Variants in RRBP1 observed in about 807,000 individuals in gnomAD.
RRBP1 encodes ribosome-binding protein 1.
In RRBP1, 94 loss-of-function variants were observed where a neutral mutation model predicts 165.2. That is an observed-to-expected ratio of 0.57 (90% CI 0.48 to 0.68). The LOEUF is 0.68. Among genes scored for constraint, RRBP1 ranks in the 30% least tolerant of loss-of-function variants. The pLI, the probability that RRBP1 is intolerant of heterozygous loss-of-function variation, is 0.00. For synonymous variants in RRBP1, 680 were observed against 714.5 expected, an observed-to-expected ratio of 0.95 and a Z score of 0.77; for missense variants, 1,676 against 1,763.0, an observed-to-expected ratio of 0.95 and a Z score of 0.88.
chr20:17,655,397 A>T (rs906294903), intron 3 of RRBP1, among the ~76,000 whole-genome samples: 1 of 152,230 alleles, frequency 6.6e-6, no homozygotes, highest in Non-Finnish European at 1.5e-5. Context: ...TCCTACAGTT[A>T]CGGTTTATCT....
chr20:17,651,586 G>A (rs2036559092), intron 3 of RRBP1, among the ~76,000 whole-genome samples: 1 of 152,220 alleles, frequency 6.6e-6, no homozygotes, highest in Admixed American at 6.5e-5. Flanking sequence ...TAAGCAGACA[G>A]CAGTGTGCAC....
At position 17,614,087 on chromosome 20, in the gene RRBP1, TG is replaced by T; in HGVS notation, c.*94del. ...TCTCGGAGCTACCGGAAGTTGGGCC[TG>T]GATAACGCTGTGTAGGTTGGTTGGT... On this transcript the variant is annotated 3_prime_UTR_variant, in exon 25 of 25. Coordinates refer to ENST00000377813, the MANE Select transcript of RRBP1 (RefSeq NM_001365613.2). The T allele has an allele frequency of 7.8e-7, 1 of 1,285,746 alleles. No homozygotes were observed. Among genetic ancestry groups the T allele is most frequent in the Non-Finnish European group, 1.1e-6 (1 of 885,428 alleles). 79.6% of individuals were successfully genotyped at this position (1,285,746 alleles called of 1,614,324 possible).
intron 5 of RRBP1, among the ~76,000 whole-genome samples, chr20:17,638,492 G>A (rs1208810448): frequency 2.0e-5 from 3 of 152,276 alleles, no homozygotes; most frequent in East Asian, 3.9e-4. Context: ...TCTCCTGGGG[G>A]TCAGCGTCCC....
At chr20:17,621,646 C>G (rs1240469984) in intron 15 of RRBP1, 44 bp downstream of exon 15, 1 of 1,599,404 alleles carries the variant, frequency 6.3e-7, no homozygotes, top group Non-Finnish European at 8.6e-7. Flanking sequence ...TTCCTGGGGA[C>G]AGGGGAGCCC....
chr20:17,658,408 C>CAACCTCCAGAACCATG (rs1383765003), intron 3 of RRBP1, among the ~76,000 whole-genome samples, 188 bp downstream of exon 3: 1 of 152,144 alleles, frequency 6.6e-6, no homozygotes, highest in East Asian at 1.9e-4. Context: ...TCACATCTGC[C>CAACCTCCAGAACCATG]AACCTCCAGA....
intron 3 of RRBP1, among the ~76,000 whole-genome samples, chr20:17,653,031 A>G (rs1419001481): frequency 6.6e-6 from 1 of 152,208 alleles, no homozygotes; most frequent in African/African-American, 2.4e-5. Flanking sequence ...GAGGGCACAG[A>G]GACAAGGTGG....
rs1271325364 is a variant in RRBP1 at position 17,619,620 on chromosome 20, G to A, written c.3675+13C>T. 6 of 1,600,814 alleles carry A rather than the reference G, an allele frequency of 3.7e-6. No homozygotes were observed. Among genetic ancestry groups the A allele is most frequent in the South Asian group, 2.2e-5 (2 of 89,656 alleles). ...GCTGGGCAGGGGCTGCACTCCTTGG[G>A]GGGCAGACTCACCCCTGCCACCTCC... is the stretch of plus-strand genomic sequence containing the variant. On this transcript the variant is annotated intron_variant, in intron 19 of 24. Coordinates refer to ENST00000377813, the MANE Select transcript of RRBP1 (RefSeq NM_001365613.2).
Position 17,629,878 on chromosome 20 carries a change from G to A in RRBP1, c.2694C>T (p.His898=), listed in dbSNP as rs751154589. 17 of 1,600,168 alleles carry A rather than the reference G, an allele frequency of 1.1e-5. No individual in the cohort carries two copies. The highest frequency in any genetic ancestry group is 8.3e-5 in the Admixed American group (5 of 59,964). Residue 898 remains histidine (H), a synonymous_variant, in exon 9 of 25, where the codon CAC becomes CAT. Transcript: ENST00000377813. ...TCTCGGCATCCGCCCGGAGGCTGGC[G>A]TGGCTGCTCTGCGTGTGGCACAGCT... ...SRELCHTQSS[H]ASLRADAEKA...
intron 3 of RRBP1, among the ~76,000 whole-genome samples, chr20:17,655,617 C>T (rs564799720): frequency 1.3e-5 from 2 of 152,272 alleles, no homozygotes; most frequent in South Asian, 4.1e-4. Context: ...GTCCGAGGGA[C>T]ACCCCAGCCA....
chr20:17,641,918 G>A lies in RRBP1; in HGVS notation c.2063C>T (p.Ala688Val). 1 of 1,613,014 alleles carries A rather than the reference G, an allele frequency of 6.2e-7. No individual in the cohort carries two copies. Among genetic ancestry groups the A allele is most frequent in the Non-Finnish European group, 8.5e-7 (1 of 1,179,164 alleles). ...AGIIQDTWHK[A>V]TQKGDPVAIL... ...CGCCACAGGGTCACCCTTCTGAGTG[G>A]CCTAGAAATACCCAGAGATGCGTTA... Residue 688 changes from alanine to valine, a missense_variant and splice_region_variant, in exon 5 of 25, where the codon GCC becomes GTC. Ala to Val is a moderately conservative substitution (Grantham distance 64). Coordinates refer to ENST00000377813, the MANE Select transcript of RRBP1 (RefSeq NM_001365613.2).
At chr20:17,662,707 C>T (rs1391255027) in intron 2 of RRBP1, among the ~76,000 whole-genome samples, 2 of 151,726 alleles carry the variant, frequency 1.3e-5, no homozygotes, top group African/African-American at 4.9e-5. Context: ...GAAATCGCAC[C>T]CTGCTCAGCC....
intron 2 of RRBP1, among the ~76,000 whole-genome samples, chr20:17,660,811 C>T (rs1401803314): frequency 1.3e-5 from 2 of 152,314 alleles, no homozygotes; most frequent in South Asian, 4.1e-4. Flanking sequence ...CCAGGAGCCT[C>T]AGCAGCCATG....
intron 3 of RRBP1, among the ~76,000 whole-genome samples, chr20:17,654,650 C>G (rs2036616722): frequency 6.6e-6 from 1 of 152,194 alleles, no homozygotes; most frequent in South Asian, 2.1e-4. Flanking sequence ...GTGGCTGGAG[C>G]TCTGGACCCA....
At chr20:17,679,471 C>T (rs1394375785) in intron 2 of RRBP1, among the ~76,000 whole-genome samples, 1 of 152,216 alleles carries the variant, frequency 6.6e-6, no homozygotes, top group Non-Finnish European at 1.5e-5. Context: ...GAAAAACTTG[C>T]TGTCTCAACA....
At chr20:17,636,496 T>C in intron 6 of RRBP1, 81 bp downstream of exon 6, 2 of 1,521,932 alleles carry the variant, frequency 1.3e-6, no homozygotes, top group Non-Finnish European at 1.8e-6. Context: ...GCCTCACCCT[T>C]TGGGCCTCTC....
chr20:17,624,733 T>C, intron 12 of RRBP1, 65 bp from the exon 13 acceptor site: 1 of 1,217,588 alleles, frequency 8.2e-7, no homozygotes, highest in Non-Finnish European at 1.2e-6. Flanking sequence ...TAAGCTGGTG[T>C]CAGACAGGAC....
chr20:17,640,247 C>T lies in RRBP1; in HGVS notation c.2184+1550G>A, dbSNP rs371797583. On this transcript the variant is annotated intron_variant, in intron 5 of 24. Transcript: ENST00000377813. The stretch of plus-strand genomic sequence containing the variant: ...TCTGTGCAGAACAGGAACATGGGAG[C>T]TCCAGAAGGCTCCTGAGGGAGGGAA... 5.9e-5 allele frequency among the ~76,000 whole-genome samples: 9 copies of T among 152,310 alleles called. No homozygotes were observed. In the East Asian group the frequency reaches 1.7e-3, roughly 29 times the overall value.
In RRBP1 at chr20:17,679,068, C is replaced by T. The variant is rs141524590; in HGVS notation, c.-22+931G>A. Among the ~76,000 whole-genome samples, 354 of 152,308 alleles carry T rather than the reference C, an allele frequency of 2.3e-3. 1 individual carries two copies. Among genetic ancestry groups the T allele is most frequent in the South Asian group, 8.7e-3 (42 of 4,830 alleles). On this transcript the variant is annotated intron_variant, in intron 2 of 24. Coordinates refer to ENST00000377813, the MANE Select transcript of RRBP1 (RefSeq NM_001365613.2). ...AACATTTGGAAGGCCGGGCCCACATCGCCTAGCAACTGGGCAACAGGAACT... is the reference window on the plus strand; with the variant it reads ...AACATTTGGAAGGCCGGGCCCACATTGCCTAGCAACTGGGCAACAGGAACT...
chr20:17,681,669 G>T (rs1468683914), intron 1 of RRBP1, among the ~76,000 whole-genome samples: 1 of 149,666 alleles, frequency 6.7e-6, no homozygotes, highest in South Asian at 2.1e-4. Context: ...AACTTTCTTC[G>T]CCCAACTTCG....
Sources: allele counts gnomAD v4.1 joint callset (sites outside exome capture counted in the v4.1 genomes callset), GRCh38; gene constraint gnomAD v4.1.1; transcripts MANE v1.5; gene names NCBI Gene and HGNC (gene_info 2026-07-23, HGNC 2026-07-21).